MACROD1: variants seen among roughly 807,000 people sequenced by gnomAD.
MACROD1 encodes mono-ADP ribosylhydrolase 1, also known as ADP-ribose glycohydrolase MACROD1.
MACROD1 carries 31 observed loss-of-function variants against 41.4 expected under a neutral mutation model. The observed-to-expected ratio is 0.75, with a 90% CI of 0.56 to 1.01. The LOEUF (loss-of-function observed/expected upper bound fraction) is 1.01, where lower values mean the gene tolerates loss of function less well. Ranked by LOEUF, MACROD1 falls within the 50% of genes least tolerant of loss-of-function variation. The probability of loss-of-function intolerance (pLI) is 0.00; values close to 1 mark genes in which losing one functional copy is unlikely to be tolerated. For synonymous variants in MACROD1, 252 were observed against 203.4 expected (o/e 1.24, Z -2.03); for missense variants, 473 against 460.0 (o/e 1.03, Z -0.26).
At position 63,998,948 on chromosome 11, in the gene MACROD1, C is replaced by T. The variant is rs761438561; in HGVS notation, c.973+7G>A. On this transcript the variant is annotated splice_region_variant and intron_variant, in intron 9 of 10. Transcript: ENST00000255681. ...GGGCGGGCCGTGGGGCGGCGCGGGG[C>T]ACGTACCCACGGGGAAGTAGTGGGG... The T allele has an allele frequency of 1.1e-5, 18 of 1,585,594 alleles. No homozygotes were observed. In the African/African-American group the frequency reaches 2.4e-4, roughly 21 times the overall value.
intron 3 of MACROD1, among the ~76,000 whole-genome samples, chr11:64,033,064 A>G (rs745393928): frequency 1.4e-4 from 21 of 152,078 alleles, no homozygotes; most frequent in Non-Finnish European, 2.9e-4. Flanking sequence ...TCCAAGACCC[A>G]GGTCAAGAGG....
At chr11:64,088,893 G>T (rs1223421151) in intron 3 of MACROD1, among the ~76,000 whole-genome samples, 1 of 152,130 alleles carries the variant, frequency 6.6e-6, no homozygotes, top group Non-Finnish European at 1.5e-5. Context: ...TTGAAGGTGC[G>T]GTTCACAAAG....
intron 3 of MACROD1, among the ~76,000 whole-genome samples, chr11:64,138,348 G>A (rs771959717): frequency 9.9e-5 from 15 of 152,208 alleles, no homozygotes; most frequent in Admixed American, 1.3e-4. Flanking sequence ...TGACCCTCAC[G>A]GGGAAAGCTC....
chr11:63,999,516 TC>T lies in MACROD1; in HGVS notation c.817+13del. ...ACCGCCCACTCCTGGTCCTTGCCTT[TC>T]TTCCAGACTCACCAAACACGCCGGT... On this transcript the variant is annotated intron_variant, in intron 7 of 10. Coordinates refer to ENST00000255681, the MANE Select transcript of MACROD1 (RefSeq NM_014067.4). 6.2e-7 allele frequency: 1 copy of T among 1,605,188 alleles called. No homozygotes were observed. The highest frequency in any genetic ancestry group is 1.1e-5 in the South Asian group (1 of 89,502).
chr11:64,164,066 C>G (rs528577109), intron 1 of MACROD1, among the ~76,000 whole-genome samples: 2 of 152,340 alleles, frequency 1.3e-5, no homozygotes, highest in South Asian at 4.1e-4. Context: ...ACTGAGGTTA[C>G]CGGGCCTTGT....
chr11:64,100,051 C>T (rs2845887), intron 3 of MACROD1, among the ~76,000 whole-genome samples: 49,985 of 151,866 alleles, frequency 0.33, 8,811 homozygotes, highest in East Asian at 0.66. Flanking sequence ...GAGTTTGAGG[C>T]CCTGACACTG....
chr11:64,088,043 T>C (rs1216177093), intron 3 of MACROD1, among the ~76,000 whole-genome samples: 1 of 152,148 alleles, frequency 6.6e-6, no homozygotes, highest in African/African-American at 2.4e-5. Context: ...CTGGTGGCCC[T>C]GTCACTGGCT....
At chr11:64,045,284 T>C (rs1943562969) in intron 3 of MACROD1, among the ~76,000 whole-genome samples, 1 of 152,154 alleles carries the variant, frequency 6.6e-6, no homozygotes, top group Non-Finnish European at 1.5e-5. Flanking sequence ...CACAGAGCAA[T>C]CTCCATTAGG....
intron 3 of MACROD1, among the ~76,000 whole-genome samples, chr11:64,127,189 T>C (rs962704464): frequency 3.9e-5 from 6 of 152,270 alleles, no homozygotes; most frequent in African/African-American, 9.6e-5. Flanking sequence ...TGAATGTGAT[T>C]AACTACTTGG....
chr11:64,095,230 C>T (rs551599463), intron 3 of MACROD1, among the ~76,000 whole-genome samples: 8 of 152,304 alleles, frequency 5.3e-5, no homozygotes, highest in African/African-American at 1.9e-4. Flanking sequence ...CCCCATTCCT[C>T]CCAATTCAGC....
At chr11:64,117,857 C>T (rs764534225) in intron 3 of MACROD1, 16 of 1,614,048 alleles carry the variant, frequency 9.9e-6, no homozygotes, top group East Asian at 8.9e-5. Context: ...CAGAGACAGC[C>T]GACAGCTATG....
chr11:64,042,409 G>T (rs1390294790), intron 3 of MACROD1, among the ~76,000 whole-genome samples: 1 of 152,196 alleles, frequency 6.6e-6, no homozygotes, highest in Non-Finnish European at 1.5e-5. Flanking sequence ...CCTCTCTGGG[G>T]AATGGGGGGG....
intron 3 of MACROD1, among the ~76,000 whole-genome samples, chr11:64,097,196 G>A (rs1347376639): frequency 6.6e-5 from 10 of 152,240 alleles, no homozygotes; most frequent in African/African-American, 2.2e-4. Context: ...GCAGAACTGG[G>A]CCTCCAGACC....
At position 64,082,821 on chromosome 11, in the gene MACROD1, C is replaced by T. The variant is rs1001942390; in HGVS notation, c.518-67540G>A. On this transcript the variant is annotated intron_variant, in intron 3 of 10. Transcript: ENST00000255681. This position sits in a 1 kb window ranked among gnomAD's most constrained non-coding sequence, Gnocchi z 4.5. ...TTTCCCCTGTTTCCCTCAGCTCAGA[C>T]ATCACCACGACCCACAGGGCACCAG... The T allele has an allele frequency of 6.5e-6, 1 of 152,688 alleles. No individual in the cohort carries two copies. The highest frequency in any genetic ancestry group is 2.1e-4 in the South Asian group (1 of 4,834). The allele number at this position is 152,688 out of a possible 1,614,324, so 9.5% of individuals were successfully genotyped here.
chr11:64,006,062 C>T (rs771895682), intron 4 of MACROD1, among the ~76,000 whole-genome samples: 5 of 152,190 alleles, frequency 3.3e-5, no homozygotes, highest in African/African-American at 4.8e-5. Context: ...ACAAGGCTCC[C>T]GGGGAAATGG....
intron 3 of MACROD1, among the ~76,000 whole-genome samples, chr11:64,070,336 T>C (rs1212224521): frequency 1.3e-5 from 2 of 152,070 alleles, no homozygotes; most frequent in East Asian, 3.9e-4. Context: ...CTCGGAGCTG[T>C]GACTGAGAAT....
Position 64,000,258 on chromosome 11 carries a change from C to A in MACROD1, c.633G>T (p.Lys211Asn). ...TLQSCKTGKA[K>N]ITGGYRLPAK... ...CCGGGAGCCGATAGCCGCCGGTGAT[C>A]TTGGCCTTGCCAGTCTTACAGCTCT... The change falls in exon 5 of 11, where the codon AAG becomes AAT. Residue 211 changes from lysine to asparagine, a missense_variant. Lys to Asn is a moderately conservative substitution (Grantham distance 94, BLOSUM62 0). Transcript: ENST00000255681. The A allele has an allele frequency of 1.9e-6, 3 of 1,606,956 alleles. No homozygotes were observed. Among genetic ancestry groups the A allele is most frequent in the Non-Finnish European group, 2.5e-6 (3 of 1,177,428 alleles).
intron 3 of MACROD1, among the ~76,000 whole-genome samples, chr11:64,128,543 C>T (rs759639324): frequency 2.0e-5 from 3 of 152,046 alleles, no homozygotes; most frequent in African/African-American, 4.8e-5. Context: ...AGGCCTGGCA[C>T]GCCGCCCGCC....
In MACROD1 at chr11:64,146,521, G is replaced by A. The variant is rs1945497984; in HGVS notation, c.517+4718C>T. Among the ~76,000 whole-genome samples the A allele has an allele frequency of 6.6e-6, 1 of 152,192 alleles. No individual in the cohort carries two copies. The highest frequency in any genetic ancestry group is 2.1e-4 in the South Asian group (1 of 4,828). ...GCTACCCAAGCAAGTGGCCTCAGCT[G>A]GCAGCCCACGGGGACAGGGCCCAGG... On this transcript the variant is annotated intron_variant, in intron 3 of 10. Coordinates refer to ENST00000255681, the MANE Select transcript of MACROD1 (RefSeq NM_014067.4). The surrounding 1 kb of genome is among the most constrained non-coding windows in gnomAD (Gnocchi z 4.7).
Sources: allele counts gnomAD v4.1 joint callset (sites outside exome capture counted in the v4.1 genomes callset), GRCh38; gene constraint gnomAD v4.1.1; non-coding constraint Gnocchi (gnomAD v3.1); transcripts MANE v1.5; gene names NCBI Gene and HGNC (gene_info 2026-07-23, HGNC 2026-07-21).